Variants in SLF2 observed in about 807,000 individuals in gnomAD.
SLF2 encodes SMC5/6 complex localization factor 2.
SLF2 carries 68 observed loss-of-function variants against 124.3 expected under a neutral mutation model. The ratio of observed to expected loss-of-function variants is 0.55; its 90% confidence interval spans 0.45 to 0.67. The LOEUF is 0.67. SLF2 is among the 30% of genes least tolerant of loss of function. The pLI is 0.00. For missense variants in SLF2, 1,246 were observed against 1,373.7 expected (o/e 0.91, Z 1.47); for synonymous variants, 480 against 478.8 (o/e 1.00, Z -0.03).
At chr10:100,935,548 C>T (rs149858289) in intron 9 of SLF2, among the ~76,000 whole-genome samples, 2 of 147,134 alleles carry the variant, frequency 1.4e-5, no homozygotes, top group African/African-American at 2.5e-5. Flanking sequence ...CTAATGGTGG[C>T]GCAGGCCTAT....
chr10:100,959,407 C>A, intron 18 of SLF2, 21 bp from the exon 19 acceptor site: 1 of 1,592,254 alleles, frequency 6.3e-7, no homozygotes, highest in Non-Finnish European at 8.5e-7. Flanking sequence ...GATCCCTTTT[C>A]CTGTTTTTGA....
At chr10:100,942,474 C>G (rs894133935) in intron 11 of SLF2, among the ~76,000 whole-genome samples, 2 of 152,158 alleles carry the variant, frequency 1.3e-5, no homozygotes, top group Admixed American at 6.5e-5. Context: ...CCTGGCCTCT[C>G]CAGGTACTCC....
At chr10:100,927,854 C>T (rs973603708) in intron 6 of SLF2, among the ~76,000 whole-genome samples, 2 of 152,042 alleles carry the variant, frequency 1.3e-5, no homozygotes, top group African/African-American at 4.8e-5. Context: ...ATGATGTTAA[C>T]ATATTTTCAT....
Position 100,924,342 on chromosome 10 carries a change from G to A in SLF2, c.1341G>A (p.Lys447=). The A allele has an allele frequency of 1.2e-6, 2 of 1,613,876 alleles. No homozygotes were observed. The highest frequency in any genetic ancestry group is 1.7e-6 in the Non-Finnish European group (2 of 1,179,972). The change falls in exon 5 of 20, where the codon AAG becomes AAA. Residue 447 remains lysine (K), a synonymous_variant. Transcript: ENST00000238961. ...QKPHLPLSQE[K]SAIKKASNLQ... ...CCCACTTACCTTTATCTCAGGAAAA[G>A]TCTGCAATTAAAAAAGCTAGCAACC... is the stretch of plus-strand genomic sequence containing the variant.
At chr10:100,934,418 A>G (rs1184904537) in intron 9 of SLF2, among the ~76,000 whole-genome samples, 2 of 152,204 alleles carry the variant, frequency 1.3e-5, no homozygotes, top group African/African-American at 2.4e-5. Context: ...AAAGATTGTT[A>G]GAAACCTTGT....
At chr10:100,922,383 A>C (rs1039393365) in intron 4 of SLF2, among the ~76,000 whole-genome samples, 1 of 152,140 alleles carries the variant, frequency 6.6e-6, no homozygotes, top group Non-Finnish European at 1.5e-5. Context: ...AAATTTTCTA[A>C]CTAGAGAAGG....
chr10:100,937,050 CTTTATTTTTATTTTATCTTATTGTAT>C (rs1398071334), intron 9 of SLF2, among the ~76,000 whole-genome samples: 1 of 151,972 alleles, frequency 6.6e-6, no homozygotes, highest in Non-Finnish European at 1.5e-5. Flanking sequence ...CATAAAATGC[CTTTATTTTTATTTTATCTTATTGTAT>C]TTTATTTTTA....
intron 2 of SLF2, 123 bp from the exon 3 acceptor site, chr10:100,916,447 G>T: frequency 1.3e-6 from 1 of 755,528 alleles, no homozygotes; most frequent in Non-Finnish European, 1.7e-6. Flanking sequence ...CCAAGTTGTT[G>T]GTTTGAAAAT....
At position 100,929,832 on chromosome 10, in the gene SLF2, A is replaced by C; in HGVS notation, c.2168A>C (p.Glu723Ala). 4 of 1,574,076 alleles carry C rather than the reference A, an allele frequency of 2.5e-6. No homozygotes were observed. The highest frequency in any genetic ancestry group is 3.4e-6 in the Non-Finnish European group (4 of 1,164,592). ...GATTGACTTTTTTTATGTTTCAGGG[A>C]ATTTCTAAAGAAATTTTCAGTTACA... The part of the protein sequence containing the change: ...DEDGLLEEHK[E>A]FLKKFSVTID... Residue 723 changes from glutamate to alanine, a missense_variant and splice_region_variant, in exon 8 of 20, where the codon GAA becomes GCA. Glu to Ala is a moderately radical substitution (Grantham distance 107, BLOSUM62 -1). Around this residue, in one of 3 missense-constraint regions of SLF2, gnomAD observed 535 missense variants for 632.8 expected, o/e 0.85. Transcript: ENST00000238961.
intron 11 of SLF2, among the ~76,000 whole-genome samples, chr10:100,943,222 G>A (rs1850014409): frequency 6.6e-6 from 1 of 152,178 alleles, no homozygotes; most frequent in South Asian, 2.1e-4. Context: ...CATTCCAGAG[G>A]TTTTAGGAGC....
chr10:100,950,820 C>T, intron 17 of SLF2, 67 bp downstream of exon 17: 1 of 1,258,732 alleles, frequency 7.9e-7, no homozygotes, highest in Non-Finnish European at 1.2e-6. Flanking sequence ...AATGAGTGAG[C>T]ATGCTTTATA....
At chr10:100,920,555 T>C (rs571337272) in intron 4 of SLF2, among the ~76,000 whole-genome samples, 1 of 152,256 alleles carries the variant, frequency 6.6e-6, no homozygotes, top group Non-Finnish European at 1.5e-5. Context: ...ACATTTATAC[T>C]TCAATTGACT....
In SLF2 at chr10:100,916,616, A is replaced by C; in HGVS notation, c.231A>C (p.Gly77=). 7.0e-7 allele frequency: 1 copy of C among 1,437,038 alleles called. No homozygotes were observed. Among genetic ancestry groups the C allele is most frequent in the Non-Finnish European group, 9.1e-7 (1 of 1,093,112 alleles). The allele number at this position is 1,437,038 out of a possible 1,614,324, so 89.0% of individuals were successfully genotyped here. The change falls in exon 3 of 20, where the codon GGA becomes GGC. Residue 77 remains glycine (G), a synonymous_variant. Transcript: ENST00000238961. ...CACAAAAATCAAACATCAAATATGG[A>C]GGAAGTAGATTGTCTATCACTGGGA... is the stretch of plus-strand genomic sequence containing the variant. The part of the protein sequence containing the change: ...DSPQKSNIKY[G]GSRLSITGTE...
chr10:100,918,293 C>G (rs1238881072), intron 3 of SLF2, 91 bp from the exon 4 acceptor site: 1 of 763,462 alleles, frequency 1.3e-6, no homozygotes, highest in African/African-American at 1.8e-5. Context: ...CTTATTCAAT[C>G]TAGAAATCTG....
At chr10:100,930,836 A>T in intron 8 of SLF2, 140 bp from the exon 9 acceptor site, 1 of 627,202 alleles carries the variant, frequency 1.6e-6, no homozygotes, top group Non-Finnish European at 2.8e-6. Flanking sequence ...ACTCATCCAT[A>T]TTGGTATAGA....
intron 6 of SLF2, among the ~76,000 whole-genome samples, chr10:100,928,034 C>G (rs1374180425): frequency 4.0e-5 from 1 of 24,892 alleles, no homozygotes; most frequent in Non-Finnish European, 9.1e-5. Flanking sequence ...GATGAACACC[C>G]CCCCCCCCCC....
intron 11 of SLF2, among the ~76,000 whole-genome samples, chr10:100,941,425 T>G (rs558471560): frequency 6.6e-6 from 1 of 152,256 alleles, no homozygotes; most frequent in South Asian, 2.1e-4. Context: ...CATCCCTATG[T>G]TCCTTTTCCT....
At chr10:100,928,553 C>T (rs966303294) in intron 6 of SLF2, among the ~76,000 whole-genome samples, 2 of 152,158 alleles carry the variant, frequency 1.3e-5, no homozygotes, top group Non-Finnish European at 2.9e-5. Context: ...TAGTTATTTA[C>T]TCCTCAGCTG....
At chr10:100,959,853 C>T (rs1391250790) in intron 19 of SLF2, among the ~76,000 whole-genome samples, 2 of 152,118 alleles carry the variant, frequency 1.3e-5, no homozygotes, top group East Asian at 1.9e-4. Flanking sequence ...GAGTGAATAA[C>T]ATCACCATAG....
Sources: allele counts gnomAD v4.1 joint callset (sites outside exome capture counted in the v4.1 genomes callset), GRCh38; gene constraint gnomAD v4.1.1; regional missense constraint gnomAD v4.1.1; transcripts MANE v1.5; gene names NCBI Gene and HGNC (gene_info 2026-07-23, HGNC 2026-07-21).